The following DNAJC6 variants were observed in gnomAD, a reference collection of about 807,000 sequenced individuals.
The protein encoded by DNAJC6 is DnaJ heat shock protein family (Hsp40) member C6, also known as auxilin.
In DNAJC6, 34 loss-of-function variants were observed where a neutral mutation model predicts 110.0. That is an observed-to-expected ratio of 0.31 (90% confidence interval 0.24 to 0.41). The LOEUF (loss-of-function observed/expected upper bound fraction) is 0.41, where lower values mean the gene tolerates loss of function less well. Ranked by LOEUF, DNAJC6 falls within the 10% of genes least tolerant of loss-of-function variation. The pLI, the probability that DNAJC6 is intolerant of heterozygous loss-of-function variation, is 1.00. For missense variants in DNAJC6, 1,031 were observed against 1,207.8 expected, an observed-to-expected ratio of 0.85 and a Z score of 2.17; for synonymous variants, 406 against 437.2, an observed-to-expected ratio of 0.93 and a Z score of 0.89.
At chr1:65,334,398 G>A (rs373118307) in intron 1 of DNAJC6, among the ~76,000 whole-genome samples, 1 of 152,204 alleles carries the variant, frequency 6.6e-6, no homozygotes, top group Non-Finnish European at 1.5e-5. Flanking sequence ...AAATACATGC[G>A]GTGATCCAGA....
rs61637021 is a variant in DNAJC6 at position 65,355,086 on chromosome 1, G to A, written c.194-9549G>A. ...GAGCTCAGGAGTTTGAGAACATGGCGAAACCCCGTTGCTGCAGAAAATACA... is the reference window on the plus strand; with the variant it reads ...GAGCTCAGGAGTTTGAGAACATGGCAAAACCCCGTTGCTGCAGAAAATACA... On this transcript the variant is annotated intron_variant, in intron 1 of 18. Transcript: ENST00000371069. 8.8e-3 allele frequency among the ~76,000 whole-genome samples: 1,340 copies of A among 151,968 alleles called. 18 individuals are homozygous for A. The highest frequency in any genetic ancestry group is 0.029 in the African/African-American group (1,185 of 41,476).
At chr1:65,275,133 T>A (rs1156783180) in intron 1 of DNAJC6, among the ~76,000 whole-genome samples, 1 of 152,248 alleles carries the variant, frequency 6.6e-6, no homozygotes, top group Non-Finnish European at 1.5e-5. Flanking sequence ...GAATAAATAT[T>A]CATTTAAATT....
intron 1 of DNAJC6, among the ~76,000 whole-genome samples, chr1:65,363,207 G>T (rs1645614394): frequency 6.6e-6 from 1 of 152,174 alleles, no homozygotes; most frequent in Non-Finnish European, 1.5e-5. Context: ...GACCCGTGGA[G>T]ATTACAACTT....
intron 1 of DNAJC6, among the ~76,000 whole-genome samples, chr1:65,315,832 T>G (rs537474441): frequency 6.6e-6 from 1 of 152,310 alleles, no homozygotes; most frequent in African/African-American, 2.4e-5. Context: ...CCCATACGAT[T>G]GCAAATGAAG....
chr1:65,275,933 G>T (rs1653654754), intron 1 of DNAJC6, among the ~76,000 whole-genome samples: 2 of 139,102 alleles, frequency 1.4e-5, no homozygotes, highest in African/African-American at 2.7e-5. Flanking sequence ...GTCTCCCTCT[G>T]TTGCCCAGGC....
intron 1 of DNAJC6, among the ~76,000 whole-genome samples, chr1:65,265,450 C>T (rs1035647468): frequency 6.6e-6 from 1 of 152,166 alleles, no homozygotes; most frequent in Non-Finnish European, 1.5e-5. Flanking sequence ...AACTGTTTAT[C>T]TTGCAAAGAA....
At chr1:65,332,087 G>GTTAGAGATCACA (rs1346086815) in intron 1 of DNAJC6, among the ~76,000 whole-genome samples, 2 of 152,146 alleles carry the variant, frequency 1.3e-5, no homozygotes, top group Admixed American at 1.3e-4. Context: ...GCTGTGTCTG[G>GTTAGAGATCACA]TTAGAGATCA....
chr1:65,380,152 G>A (rs2101589506), intron 5 of DNAJC6, among the ~76,000 whole-genome samples: 1 of 152,200 alleles, frequency 6.6e-6, no homozygotes, highest in Non-Finnish European at 1.5e-5. Flanking sequence ...TTAATACTCT[G>A]TGTCATAGTA....
chr1:65,336,150 G>C (rs1406449479), intron 1 of DNAJC6, among the ~76,000 whole-genome samples: 2 of 152,172 alleles, frequency 1.3e-5, no homozygotes, highest in African/African-American at 4.8e-5. Context: ...GGCTAGGGAG[G>C]CTGCAGGAAA....
chr1:65,349,782 A>T lies in DNAJC6; in HGVS notation c.194-14853A>T, dbSNP rs373978027. Among the ~76,000 whole-genome samples the T allele has an allele frequency of 1.7e-4, 25 of 151,372 alleles. No individual in the cohort carries two copies. The East Asian group carries it at 3.1e-3, about 19-fold the overall frequency. ...GTCTTATTCTGATGTGTCTAAGGTG[A>T]TTCTTTGTATATTTATCCTGTTTTG... On this transcript the variant is annotated intron_variant, in intron 1 of 18. Coordinates refer to ENST00000371069, the MANE Select transcript of DNAJC6 (RefSeq NM_001256864.2).
intron 4 of DNAJC6, among the ~76,000 whole-genome samples, chr1:65,367,296 G>T (rs894670894): frequency 3.9e-5 from 6 of 152,114 alleles, no homozygotes; most frequent in Non-Finnish European, 8.8e-5. Flanking sequence ...ACCACTCTTT[G>T]ATAAAGCACT....
chr1:65,365,792 G>A, intron 2 of DNAJC6, 93 bp from the exon 3 acceptor site: 7 of 1,370,114 alleles, frequency 5.1e-6, no homozygotes, highest in Non-Finnish European at 7.1e-6. Context: ...CTGGACAGCG[G>A]TGTCCCAGTT....
chr1:65,343,488 G>T (rs934476233), intron 1 of DNAJC6, among the ~76,000 whole-genome samples: 1 of 152,118 alleles, frequency 6.6e-6, no homozygotes. Context: ...ATCTTGCACC[G>T]TCTTGCTTGG....
chr1:65,381,819 A>C (rs1570353829), intron 5 of DNAJC6, among the ~76,000 whole-genome samples: 2 of 152,336 alleles, frequency 1.3e-5, no homozygotes, highest in Middle Eastern at 6.8e-3. Flanking sequence ...TTTCTTTATC[A>C]GAGGGAACAA....
At chr1:65,374,133 A>T (rs1645736381) in intron 4 of DNAJC6, among the ~76,000 whole-genome samples, 1 of 152,082 alleles carries the variant, frequency 6.6e-6, no homozygotes, top group Non-Finnish European at 1.5e-5. Context: ...TTGTTCCATT[A>T]GTCCATGTGC....
rs113552840 is a variant in DNAJC6 at position 65,384,456 on chromosome 1, T to G, written c.800+130T>G. On this transcript the variant is annotated intron_variant, in intron 6 of 18. Transcript: ENST00000371069. ...TCTCTGTATTAGTCCATTTTAATAT[T>G]GCTATGAAGAACTACTTGAGACTGG... The G allele has an allele frequency of 1.4e-4, 127 of 933,258 alleles. 1 individual carries two copies. In the African/African-American group the frequency reaches 1.9e-3, roughly 14 times the overall value. 57.8% of individuals were successfully genotyped at this position (933,258 alleles called of 1,614,324 possible). A position where few individuals can be genotyped will look rare whatever the true frequency, so the allele number is the denominator to read the frequency against.
rs1010755476 is a variant in DNAJC6, at chr1:65,271,051, T to G, written c.-131+6119T>G. Among the ~76,000 whole-genome samples, 6 of 152,160 alleles carry G rather than the reference T, an allele frequency of 3.9e-5. No individual in the cohort carries two copies. In the South Asian group the frequency reaches 8.3e-4, roughly 21 times the overall value. Reference sequence around the variant, plus strand: ...TCCTAGCATAACTGTTGAGGGCCCCTCCAGTCTCAGGTTTTGACCTTGTTT... The same window carrying G: ...TCCTAGCATAACTGTTGAGGGCCCCGCCAGTCTCAGGTTTTGACCTTGTTT... On this transcript the variant is annotated intron_variant, in intron 1 of 19. Coordinates refer to the DNAJC6 transcript ENST00000263441.
chr1:65,376,779 TA>T (rs1645770410), intron 4 of DNAJC6, among the ~76,000 whole-genome samples: 1 of 152,050 alleles, frequency 6.6e-6, no homozygotes, highest in African/African-American at 2.4e-5. Context: ...TTTATTTATT[TA>T]TTTTTTTGAG....
At chr1:65,290,096 C>T (rs934566120) in intron 1 of DNAJC6, among the ~76,000 whole-genome samples, 4 of 152,178 alleles carry the variant, frequency 2.6e-5, no homozygotes, top group Non-Finnish European at 4.4e-5. Flanking sequence ...TGGTATGAGC[C>T]ACTGCCTCTG....
Sources: allele counts gnomAD v4.1 joint callset (sites outside exome capture counted in the v4.1 genomes callset), GRCh38; gene constraint gnomAD v4.1.1; transcripts MANE v1.5; gene names NCBI Gene and HGNC (gene_info 2026-07-23, HGNC 2026-07-21).